Variants in PLXNB3 observed in about 807,000 individuals in gnomAD.
PLXNB3 encodes the protein plexin-B3.
Under a neutral mutation model 125.7 loss-of-function variants are expected in PLXNB3, and 80 were observed. The observed-to-expected ratio is 0.64, with a 90% CI of 0.53 to 0.77. The LOEUF (loss-of-function observed/expected upper bound fraction) is 0.77. Among genes scored for constraint, PLXNB3 ranks in the 30% least tolerant of loss-of-function variants. PLXNB3 has a pLI of 0.00. For synonymous variants in PLXNB3, 954 were observed against 783.3 expected (o/e 1.22, Z -3.64); for missense variants, 1,836 against 1,729.3 (o/e 1.06, Z -1.09).
chrX:153,766,256 C>T (rs2091856039), intron 2 of PLXNB3: 23 of 1,166,638 alleles, frequency 2.0e-5, no homozygotes, highest in Non-Finnish European at 2.6e-5. Context: ...CTTGCTCAGC[C>T]CGCGGCTGCC....
rs368125889 is a variant in PLXNB3 at position 153,777,940 on chromosome X, G to C, written c.5262-8G>C. On this transcript the variant is annotated splice_region_variant and splice_polypyrimidine_tract_variant and intron_variant, in intron 31 of 35. Coordinates refer to ENST00000361971, the MANE Select transcript of PLXNB3 (RefSeq NM_005393.3). ...GGCCTCACGCCCACGCCTGCCCTGC[G>C]CCCCCAGTCTGCTGCTGCGGTTCTG... 1 of 1,202,027 alleles carries C rather than the reference G, an allele frequency of 8.3e-7. No homozygotes were observed. Among genetic ancestry groups the C allele is most frequent in the African/African-American group, 1.7e-5 (1 of 57,529 alleles).
In PLXNB3 at chrX:153,777,542, G is replaced by A. The variant is rs782140755; in HGVS notation, c.5115G>A (p.Lys1705=). The A allele has an allele frequency of 9.1e-6, 11 of 1,210,627 alleles. No homozygotes were observed. In the South Asian group the frequency reaches 1.9e-4, roughly 21 times the overall value. The change falls in exon 31 of 36, where the codon AAG becomes AAA. Residue 1705 remains lysine, a synonymous_variant. Coordinates refer to ENST00000361971, the MANE Select transcript of PLXNB3 (RefSeq NM_005393.3). ...RLLSMKGTLQ[K]FVDDTFQAIL... is the part of the protein sequence containing the mutation. ...CTGCCTCGCAGGGCACGCTGCAGAA[G>A]TTTGTGGACGACACCTTCCAGGCCA...
chrX:153,770,056 G>A, intron 7 of PLXNB3, 36 bp from the exon 8 acceptor site: 1 of 1,204,428 alleles, frequency 8.3e-7, no homozygotes, highest in Non-Finnish European at 1.1e-6. Context: ...CCCTCTCTCT[G>A]GCTACATCTC....
chrX:153,772,073 G>C, intron 15 of PLXNB3, 58 bp downstream of exon 15: 2 of 1,137,880 alleles, frequency 1.8e-6, no homozygotes, highest in African/African-American at 1.9e-5. Flanking sequence ...GCCACCCAGA[G>C]ATAAGGAAGG....
At position 153,773,669 on chromosome X, in the gene PLXNB3, G is replaced by T. The variant is rs782298822; in HGVS notation, c.3235G>T (p.Ala1079Ser). 9 of 1,175,721 alleles carry T rather than the reference G, an allele frequency of 7.7e-6. No homozygotes were observed. Among genetic ancestry groups the T allele is most frequent in the African/African-American group, 5.3e-5 (3 of 56,592 alleles). The part of the protein sequence containing the change: ...QPRRSCGAPA[A>S]DPQACIQLGG... ...AAGGAGGAGCTGTGGAGCCCCTGCTGCGGACCCCCAGGCTTGTATCCAGCT... is the reference window on the plus strand; with the variant it reads ...AAGGAGGAGCTGTGGAGCCCCTGCTTCGGACCCCCAGGCTTGTATCCAGCT... Residue 1079 changes from alanine (A) to serine (S), a missense_variant, in exon 19 of 36, where the codon GCG becomes TCG. By Grantham distance (99) the Ala-to-Ser change is moderately conservative. Coordinates refer to ENST00000361971, the MANE Select transcript of PLXNB3 (RefSeq NM_005393.3).
Position 153,777,281 on chromosome X carries a change from A to G in PLXNB3, c.5001A>G (p.Pro1667=). 8.3e-7 allele frequency: 1 copy of G among 1,202,667 alleles called. No individual in the cohort carries two copies. The highest frequency in any genetic ancestry group is 1.1e-6 in the Non-Finnish European group (1 of 890,265). Residue 1667 remains proline (P), a synonymous_variant, in exon 30 of 36, where the codon CCA becomes CCG. Transcript: ENST00000361971. The stretch of plus-strand genomic sequence containing the variant: ...ACCTGGTGAAAGCCACCGAGGAGCC[A>G]GAAGGGGCCAAGGTGCGGTGCAGCA... The part of the protein sequence containing the change: ...LWHLVKATEE[P]EGAKVRCSSL...
In PLXNB3 at chrX:153,770,748, G is replaced by C. The variant is rs372199632; in HGVS notation, c.2011-10G>C. 47 of 1,203,027 alleles carry C rather than the reference G, an allele frequency of 3.9e-5. No individual in the cohort carries two copies. The highest frequency in any genetic ancestry group is 4.5e-5 in the Non-Finnish European group (40 of 889,863). On this transcript the variant is annotated splice_polypyrimidine_tract_variant and intron_variant, in intron 10 of 35. Coordinates refer to ENST00000361971, the MANE Select transcript of PLXNB3 (RefSeq NM_005393.3). The stretch of plus-strand genomic sequence containing the variant: ...GAGTTCTGAAGGGCTGAGGGCTCTT[G>C]TTTTCCCAGGTGGACATCCAGGTGC...
Position 153,768,437 on chromosome X carries a change from C to T in PLXNB3, c.1266+9C>T. The T allele has an allele frequency of 8.4e-7, 1 of 1,184,597 alleles. No individual in the cohort carries two copies. The highest frequency in any genetic ancestry group is 1.1e-6 in the Non-Finnish European group (1 of 876,679). On this transcript the variant is annotated intron_variant, in intron 4 of 35. Transcript: ENST00000361971. Reference sequence around the variant, plus strand: ...AGGGCCAGCTGTACAAGGTGAGGGCCCGGCCTTGCTGTCCGGCTGGGTGTG... The same window carrying T: ...AGGGCCAGCTGTACAAGGTGAGGGCTCGGCCTTGCTGTCCGGCTGGGTGTG...
At position 153,773,252 on chromosome X, in the gene PLXNB3, G is replaced by A. The variant is rs782486603; in HGVS notation, c.2929G>A (p.Ala977Thr). The A allele has an allele frequency of 9.1e-6, 11 of 1,208,874 alleles. No homozygotes were observed. The highest frequency in any genetic ancestry group is 7.1e-5 in the South Asian group (4 of 56,602). Residue 977 changes from alanine (A) to threonine (T), a missense_variant, in exon 18 of 36, where the codon GCC becomes ACC. Ala to Thr is a moderately conservative substitution (Grantham distance 58). Coordinates refer to ENST00000361971, the MANE Select transcript of PLXNB3 (RefSeq NM_005393.3). ...CPILEPVCPE[A>T]IVCRTRPQAA... ...CAGCCTGGAGCCAGTGTGTCCGGAG[G>A]CCATCGTGTGCCGTACCAGGCCCCA...
intron 34 of PLXNB3, 43 bp downstream of exon 34, chrX:153,778,514 G>T (rs782046585): frequency 2.9e-5 from 35 of 1,191,368 alleles, no homozygotes; most frequent in Non-Finnish European, 3.5e-5. Flanking sequence ...CACGTGGGTG[G>T]AAAGACTAGC....
Position 153,777,479 on chromosome X carries a change from T to C in PLXNB3, c.5101-49T>C, listed in dbSNP as rs2092010219. On this transcript the variant is annotated intron_variant, in intron 30 of 35. Transcript: ENST00000361971. The stretch of plus-strand genomic sequence containing the variant: ...GGGCAGGGGCAGCCTCAGCCGTGGA[T>C]GGCCCCCACACCCTGCCCTCCACAC... 5.0e-6 allele frequency: 6 copies of C among 1,189,702 alleles called. No individual in the cohort carries two copies. The South Asian group carries it at 1.1e-4, about 22-fold the overall frequency.
chrX:153,770,333 C>A lies in PLXNB3; in HGVS notation c.1787-5C>A. On this transcript the variant is annotated splice_region_variant and splice_polypyrimidine_tract_variant and intron_variant, in intron 8 of 35. Coordinates refer to ENST00000361971, the MANE Select transcript of PLXNB3 (RefSeq NM_005393.3). Reference sequence around the variant, plus strand: ...ACCTGTCCTGCCCCCACTGTCCCCTCCCAGACCACGTCACTGTGCCCCTGG... The same window carrying A: ...ACCTGTCCTGCCCCCACTGTCCCCTACCAGACCACGTCACTGTGCCCCTGG... 8.3e-7 allele frequency: 1 copy of A among 1,207,304 alleles called. No homozygotes were observed.
rs1302592475 is a variant in PLXNB3 at position 153,775,880 on chromosome X, A to G, written c.4402-7A>G. On this transcript the variant is annotated splice_polypyrimidine_tract_variant and splice_region_variant and intron_variant, in intron 26 of 35. Transcript: ENST00000361971. Reference sequence around the variant, plus strand: ...TTGGCTGATGCCGGCTCATCTTGGCAGTGCAGGAGGTGGCTGGTGAACCAC... The same window carrying G: ...TTGGCTGATGCCGGCTCATCTTGGCGGTGCAGGAGGTGGCTGGTGAACCAC... 3 of 1,199,211 alleles carry G rather than the reference A, an allele frequency of 2.5e-6. No individual in the cohort carries two copies. The highest frequency in any genetic ancestry group is 3.4e-6 in the Non-Finnish European group (3 of 887,761).
Position 153,777,682 on chromosome X carries a change from C to G in PLXNB3, c.5255C>G (p.Thr1752Ser), listed in dbSNP as rs1284950509. Residue 1752 changes from threonine to serine, a missense_variant, in exon 31 of 36, where the codon ACC (threonine) becomes AGC (serine). Thr to Ser is a moderately conservative substitution (Grantham distance 58, BLOSUM62 1). Coordinates refer to ENST00000361971, the MANE Select transcript of PLXNB3 (RefSeq NM_005393.3). Reference protein sequence around the residue: ...EDPGTLHIWKTNSLLLRFWVN... With the variant: ...EDPGTLHIWKSNSLLLRFWVN... Reference sequence around the variant, plus strand: ...CCAGGGACCCTGCACATCTGGAAGACCAACAGGTGCCTTTCCTGCTGCCCC... The same window carrying G: ...CCAGGGACCCTGCACATCTGGAAGAGCAACAGGTGCCTTTCCTGCTGCCCC... 1 of 1,210,060 alleles carries G rather than the reference C, an allele frequency of 8.3e-7. No individual in the cohort carries two copies. The highest frequency in any genetic ancestry group is 1.1e-6 in the Non-Finnish European group (1 of 894,141).
In PLXNB3 at chrX:153,774,522, G is replaced by C; in HGVS notation, c.3781G>C (p.Gly1261Arg). The change falls in exon 22 of 36, where the codon GGT becomes CGT. Residue 1261 changes from glycine to arginine, a missense_variant. Gly to Arg is a moderately radical substitution (Grantham distance 125, BLOSUM62 -2). Coordinates refer to ENST00000361971, the MANE Select transcript of PLXNB3 (RefSeq NM_005393.3). ...GGAGGCCCAGGCAGGCGTGGGCATG[G>C]GTGCTGCAGTGCTGATTGCCGCCGT... is the stretch of plus-strand genomic sequence containing the variant. ...PVEAQAGVGM[G>R]AAVLIAAVLL... The C allele has an allele frequency of 2.5e-6, 3 of 1,208,722 alleles. No individual in the cohort carries two copies. The highest frequency in any genetic ancestry group is 3.4e-6 in the Non-Finnish European group (3 of 894,346).
intron 15 of PLXNB3, 39 bp downstream of exon 15, chrX:153,772,054 T>G (rs1557062173): frequency 8.6e-7 from 1 of 1,163,442 alleles, no homozygotes; most frequent in Admixed American, 2.4e-5. Flanking sequence ...GGGGAGGCCC[T>G]CAGAGATGGC....
At position 153,774,291 on chromosome X, in the gene PLXNB3, C is replaced by G. The variant is rs892512676; in HGVS notation, c.3625C>G (p.Pro1209Ala). The change falls in exon 21 of 36, where the codon CCG (proline) becomes GCG (alanine). Residue 1209 changes from proline to alanine, a missense_variant. Transcript: ENST00000361971. ...TLTRTHLYCE[P>A]PAHAPQPANG... ...CACGCGCACCCACCTGTACTGCGAGCCGCCTGCGCACGCCCCGCAGCCTGC... is the reference window on the plus strand; with the variant it reads ...CACGCGCACCCACCTGTACTGCGAGGCGCCTGCGCACGCCCCGCAGCCTGC... 1 of 1,167,801 alleles carries G rather than the reference C, an allele frequency of 8.6e-7. No individual in the cohort carries two copies. Among genetic ancestry groups the G allele is most frequent in the African/African-American group, 1.8e-5 (1 of 56,796 alleles).
chrX:153,766,443 G>A (rs1481240613), intron 2 of PLXNB3: 7 of 1,073,051 alleles, frequency 6.5e-6, no homozygotes, highest in South Asian at 5.2e-5. Flanking sequence ...CACAGCTTCC[G>A]CCAGCCTTCC....
intron 16 of PLXNB3, 77 bp downstream of exon 16, chrX:153,772,364 ATGTCAAGC>A: frequency 1.3e-6 from 1 of 743,505 alleles, no homozygotes; most frequent in South Asian, 2.5e-5. Context: ...CCTAGTAAGG[ATGTCAAGC>A]TGGGTCTGCG....
Sources: gnomAD v4.1 joint callset for allele counts on GRCh38, gnomAD v4.1.1 for gene constraint, MANE v1.5 for transcripts, NCBI Gene and HGNC (gene_info 2026-07-23, HGNC 2026-07-21) for gene names.